The following TAFA1 variants were observed in gnomAD, a reference collection of about 807,000 sequenced individuals.
The protein encoded by TAFA1 is chemokine-like protein TAFA-1.
TAFA1 carries 4 observed loss-of-function variants against 18.5 expected under a neutral mutation model. The observed-to-expected ratio is 0.22, with a 90% confidence interval of 0.11 to 0.49. TAFA1 has a LOEUF of 0.49. Ranked by LOEUF, TAFA1 falls within the 20% of genes least tolerant of loss-of-function variation. TAFA1 has a pLI of 0.98. For synonymous variants in TAFA1, 56 were observed against 55.2 expected (o/e 1.01, Z -0.06); for missense variants, 147 against 169.0 (o/e 0.87, Z 0.72).
intron 2 of TAFA1, among the ~76,000 whole-genome samples, chr3:68,393,633 A>G (rs1043043891): frequency 2.5e-4 from 38 of 152,208 alleles, no homozygotes; most frequent in African/African-American, 8.4e-4. Flanking sequence ...TGACAGACCG[A>G]ATCCATCAGC....
intron 2 of TAFA1, among the ~76,000 whole-genome samples, chr3:68,112,591 A>G (rs116208232): frequency 6.6e-6 from 1 of 152,158 alleles, no homozygotes; most frequent in Non-Finnish European, 1.5e-5. Context: ...GATGCCTGCT[A>G]TAAACATTAT....
intron 2 of TAFA1, among the ~76,000 whole-genome samples, chr3:68,408,340 T>A (rs2070651227): frequency 6.6e-6 from 1 of 152,174 alleles, no homozygotes; most frequent in Non-Finnish European, 1.5e-5. Context: ...ATTTTAAAGC[T>A]ATTTCACTTA....
chr3:68,223,533 ATT>A (rs3033749), intron 2 of TAFA1, among the ~76,000 whole-genome samples: 46,155 of 149,800 alleles, frequency 0.31, 7,489 homozygotes, highest in Admixed American at 0.45. Flanking sequence ...TGTTAGGACC[ATT>A]TTTTTTTTTT....
At chr3:68,422,353 C>G (rs2070971761) in intron 3 of TAFA1, among the ~76,000 whole-genome samples, 1 of 152,082 alleles carries the variant, frequency 6.6e-6, no homozygotes, top group African/African-American at 2.4e-5. Flanking sequence ...CAGGCATCAA[C>G]TTCTCTGCGT....
intron 2 of TAFA1, among the ~76,000 whole-genome samples, chr3:68,245,907 C>T (rs2067068167): frequency 6.6e-6 from 1 of 152,200 alleles, no homozygotes; most frequent in Non-Finnish European, 1.5e-5. Flanking sequence ...AAAGAGGGCT[C>T]ATCTAGGACA....
At chr3:68,354,932 G>A (rs1362493679) in intron 2 of TAFA1, among the ~76,000 whole-genome samples, 1 of 151,978 alleles carries the variant, frequency 6.6e-6, no homozygotes, top group Non-Finnish European at 1.5e-5. Flanking sequence ...CAATACTGTT[G>A]TATTGGGAAT....
chr3:68,256,745 A>T (rs972788152), intron 2 of TAFA1, among the ~76,000 whole-genome samples: 4 of 152,104 alleles, frequency 2.6e-5, no homozygotes, highest in Admixed American at 2.0e-4. Context: ...TAAATCAGTC[A>T]GGTAATTGGG....
intron 2 of TAFA1, among the ~76,000 whole-genome samples, chr3:68,111,310 A>C (rs2065259818): frequency 6.6e-6 from 1 of 152,178 alleles, no homozygotes; most frequent in East Asian, 1.9e-4. Flanking sequence ...CAAAAGAAAG[A>C]AAGCTGCCAA....
At chr3:68,317,262 G>A (rs569652444) in intron 2 of TAFA1, among the ~76,000 whole-genome samples, 2 of 152,160 alleles carry the variant, frequency 1.3e-5, no homozygotes, top group Admixed American at 6.6e-5. Flanking sequence ...CAAGTGAAAG[G>A]TTATCAACTG....
chr3:68,170,968 C>T (rs549276388), intron 2 of TAFA1, among the ~76,000 whole-genome samples: 2 of 152,010 alleles, frequency 1.3e-5, no homozygotes, highest in Non-Finnish European at 2.9e-5. Context: ...AAAACAAGAA[C>T]GAATAGCAAC....
chr3:68,067,464 A>C (rs969778076), intron 2 of TAFA1, among the ~76,000 whole-genome samples: 1 of 152,142 alleles, frequency 6.6e-6, no homozygotes, highest in Admixed American at 6.6e-5. Context: ...TGGAGGCTCC[A>C]TGAGAGTGAG....
rs1264710567 is a variant in TAFA1, at chr3:68,439,418, T to C, written c.259+21998T>C. The stretch of plus-strand genomic sequence containing the variant: ...AATAGAATATATATACATACATATA[T>C]ATATATATATATATATATATATATA... On this transcript the variant is annotated intron_variant, in intron 3 of 4. Transcript: ENST00000478136. Among the ~76,000 whole-genome samples the C allele has an allele frequency of 2.1e-4, 21 of 101,098 alleles. 1 individual carries two copies. The highest frequency in any genetic ancestry group is 8.0e-4 in the African/African-American group (21 of 26,172). The allele number at this position is 101,098 out of a possible 152,430, so 66.3% of individuals were successfully genotyped here. A position where few individuals can be genotyped will look rare whatever the true frequency, so the allele number is the denominator to read the frequency against.
In TAFA1 at chr3:68,456,815, G is replaced by A. The variant is rs146147188; in HGVS notation, c.259+39395G>A. On this transcript the variant is annotated intron_variant, in intron 3 of 4. Coordinates refer to ENST00000478136, the MANE Select transcript of TAFA1 (RefSeq NM_213609.4). The stretch of plus-strand genomic sequence containing the variant: ...CTTTTTTTACAATGGTCCTTAAGCC[G>A]GATTCATTTTATCTTGAAATGATAG... Among the ~76,000 whole-genome samples the A allele has an allele frequency of 3.6e-3, 555 of 152,166 alleles. 5 individuals carry two copies. Among genetic ancestry groups the A allele is most frequent in the African/African-American group, 0.012 (518 of 41,508 alleles).
intron 2 of TAFA1, among the ~76,000 whole-genome samples, chr3:68,017,467 CTT>C (rs1704594143): frequency 6.6e-6 from 1 of 152,176 alleles, no homozygotes; most frequent in Admixed American, 6.5e-5. Flanking sequence ...ATTTTAGAAT[CTT>C]TTTCAATCTT....
chr3:68,078,256 A>G (rs912204922), intron 2 of TAFA1, among the ~76,000 whole-genome samples: 1 of 152,010 alleles, frequency 6.6e-6, no homozygotes, highest in Non-Finnish European at 1.5e-5. Flanking sequence ...TCATCTGCAA[A>G]CAGGGACAAT....
chr3:68,444,316 T>A (rs1259219859), intron 3 of TAFA1, among the ~76,000 whole-genome samples: 1 of 152,198 alleles, frequency 6.6e-6, no homozygotes, highest in African/African-American at 2.4e-5. Context: ...CTCCCATAAG[T>A]TATACCTACC....
intron 2 of TAFA1, among the ~76,000 whole-genome samples, chr3:68,375,445 A>C (rs2106646024): frequency 6.6e-6 from 1 of 152,310 alleles, no homozygotes; most frequent in South Asian, 2.1e-4. Context: ...ACTCCACACA[A>C]GTCAGTGGGC....
intron 2 of TAFA1, among the ~76,000 whole-genome samples, chr3:68,367,971 A>G (rs17047611): frequency 0.067 from 10,243 of 152,280 alleles, 476 homozygotes; most frequent in East Asian, 0.23. Context: ...GAAACAAATT[A>G]ACTCAAATGC....
chr3:68,170,995 G>C (rs2066046149), intron 2 of TAFA1, among the ~76,000 whole-genome samples: 1 of 152,148 alleles, frequency 6.6e-6, no homozygotes, highest in South Asian at 2.1e-4. Flanking sequence ...CCCTGGGGAA[G>C]TATGATAGGC....
Sources: gnomAD v4.1 joint callset for allele counts (sites outside exome capture counted in the v4.1 genomes callset) on GRCh38, gnomAD v4.1.1 for gene constraint, MANE v1.5 for transcripts, NCBI Gene and HGNC (gene_info 2026-07-23, HGNC 2026-07-21) for gene names.